GFOD1: variants seen among roughly 807,000 people sequenced by gnomAD.
GFOD1 encodes the protein glucose-fructose oxidoreductase domain-containing protein 1.
Under a neutral mutation model 25.4 loss-of-function variants are expected in GFOD1, and 9 were observed. The observed-to-expected ratio is 0.35, with a 90% CI of 0.21 to 0.62. The LOEUF (loss-of-function observed/expected upper bound fraction) is 0.62, where lower values mean the gene tolerates loss of function less well. Ranked by LOEUF, GFOD1 falls within the 20% of genes least tolerant of loss-of-function variation. The pLI, the probability that GFOD1 is intolerant of heterozygous loss-of-function variation, is 0.72. For synonymous variants in GFOD1, 253 were observed against 245.6 expected, an observed-to-expected ratio of 1.03 and a Z score of -0.28; for missense variants, 403 against 556.9, an observed-to-expected ratio of 0.72 and a Z score of 2.78.
chr6:13,399,232 C>T (rs1248473827), intron 1 of GFOD1, among the ~76,000 whole-genome samples: 3 of 152,018 alleles, frequency 2.0e-5, no homozygotes, highest in Non-Finnish European at 2.9e-5. Flanking sequence ...AGACTGGTCT[C>T]GAACTCCTGG....
At position 13,362,621 on chromosome 6, in the gene GFOD1, C is replaced by A. The variant is rs546860845; in HGVS notation, c.*2122G>T. On this transcript the variant is annotated 3_prime_UTR_variant, in exon 2 of 2. Coordinates refer to ENST00000379287, the MANE Select transcript of GFOD1 (RefSeq NM_018988.4). ...TGCTGACCATGAAGTCTGTCAGCAACAGGTCAGGGACCACAACAAACCACG... is the reference window on the plus strand; with the variant it reads ...TGCTGACCATGAAGTCTGTCAGCAAAAGGTCAGGGACCACAACAAACCACG... 3 of 152,336 alleles carry A rather than the reference C, an allele frequency of 2.0e-5. No homozygotes were observed. Among genetic ancestry groups the A allele is most frequent in the African/African-American group, 7.2e-5 (3 of 41,572 alleles). 9.4% of individuals were successfully genotyped at this position (152,336 alleles called of 1,614,324 possible).
rs114268261 is a variant in GFOD1, at chr6:13,384,409, T to C, written c.254-18747A>G. 8.2e-3 allele frequency among the ~76,000 whole-genome samples: 1,254 copies of C among 152,236 alleles called. 20 individuals carry two copies. The highest frequency in any genetic ancestry group is 0.029 in the African/African-American group (1,186 of 41,534). On this transcript the variant is annotated intron_variant, in intron 1 of 1. Coordinates refer to ENST00000379287, the MANE Select transcript of GFOD1 (RefSeq NM_018988.4). Reference sequence around the variant, plus strand: ...TGGCCTAGGAGCACCATCAAGAAAATTGCTGAGACATTAAAGGCACTGTGC... The same window carrying C: ...TGGCCTAGGAGCACCATCAAGAAAACTGCTGAGACATTAAAGGCACTGTGC...
intron 1 of GFOD1, among the ~76,000 whole-genome samples, chr6:13,392,832 G>A (rs1454018287): frequency 2.0e-5 from 3 of 151,960 alleles, no homozygotes; most frequent in African/African-American, 7.3e-5. Context: ...AAGGCGGGAG[G>A]ATCGCTTGAG....
rs543658949 is a variant in GFOD1 at position 13,441,563 on chromosome 6, G to A, written c.253+45075C>T. 7.9e-5 allele frequency among the ~76,000 whole-genome samples: 12 copies of A among 152,250 alleles called. No individual in the cohort carries two copies. The East Asian group carries it at 1.9e-3, about 24-fold the overall frequency. Reference sequence around the variant, plus strand: ...GTCTCACTGCAAAAATAAATGTTACGAATAGTAAGTTCTCCCTTCATCAAT... The same window carrying A: ...GTCTCACTGCAAAAATAAATGTTACAAATAGTAAGTTCTCCCTTCATCAAT... On this transcript the variant is annotated intron_variant, in intron 1 of 1. Coordinates refer to ENST00000379287, the MANE Select transcript of GFOD1 (RefSeq NM_018988.4).
chr6:13,364,640 C>T lies in GFOD1; in HGVS notation c.*103G>A. 2 of 991,146 alleles carry T rather than the reference C, an allele frequency of 2.0e-6. No individual in the cohort carries two copies. Among genetic ancestry groups the T allele is most frequent in the Non-Finnish European group, 3.0e-6 (2 of 673,546 alleles). 61.4% of individuals were successfully genotyped at this position (991,146 alleles called of 1,614,324 possible). A position where few individuals can be genotyped will look rare whatever the true frequency, so the allele number is the denominator to read the frequency against. ...ATTTATTCACACTGTCCCTCCACCTCCCTGATCCCCACATTCCCCATGGTC... is the reference window on the plus strand; with the variant it reads ...ATTTATTCACACTGTCCCTCCACCTTCCTGATCCCCACATTCCCCATGGTC... On this transcript the variant is annotated 3_prime_UTR_variant, in exon 2 of 2. Transcript: ENST00000379287. This position sits in a 1 kb window ranked among gnomAD's most constrained non-coding sequence, Gnocchi z 4.1.
At chr6:13,374,728 CTTTTT>C (rs147560408) in intron 1 of GFOD1, among the ~76,000 whole-genome samples, 6 of 66,810 alleles carry the variant, frequency 9.0e-5, no homozygotes, top group East Asian at 5.8e-4. Flanking sequence ...CATCTCAAAT[CTTTTT>C]TTTTTTTTTT....
At chr6:13,417,043 A>T (rs1262102073) in intron 1 of GFOD1, among the ~76,000 whole-genome samples, 1 of 152,364 alleles carries the variant, frequency 6.6e-6, no homozygotes, top group Non-Finnish European at 1.5e-5. Context: ...TTAACCAAAG[A>T]ACAAGACAAG....
At chr6:13,377,904 AG>A (rs1360892867) in intron 1 of GFOD1, among the ~76,000 whole-genome samples, 10 of 152,188 alleles carry the variant, frequency 6.6e-5, no homozygotes, top group Admixed American at 6.6e-4. Context: ...GAGGTGCTCT[AG>A]GGTTTTTAAG....
chr6:13,469,322 A>G, intron 1 of GFOD1: 1 of 984,832 alleles, frequency 1.0e-6, no homozygotes, highest in Non-Finnish European at 1.2e-6. Context: ...CTTCAAAAAT[A>G]AGTTATAATC....
intron 1 of GFOD1, among the ~76,000 whole-genome samples, chr6:13,425,300 C>T (rs9296672): frequency 0.24 from 35,710 of 151,908 alleles, 4,273 homozygotes; most frequent in Middle Eastern, 0.34. Context: ...GAGTTAGTTA[C>T]CATTGTTGCC....
chr6:13,391,576 A>G (rs1584623305), intron 1 of GFOD1, among the ~76,000 whole-genome samples: 1 of 152,016 alleles, frequency 6.6e-6, no homozygotes, highest in Admixed American at 6.5e-5. Flanking sequence ...ACTATTTCGT[A>G]GAGTCCATAT....
chr6:13,470,606 A>G, intron 1 of GFOD1: 1 of 1,491,242 alleles, frequency 6.7e-7, no homozygotes, highest in South Asian at 1.4e-5. Flanking sequence ...CTGTCTGCTG[A>G]TTTTCTTCCT....
intron 1 of GFOD1, among the ~76,000 whole-genome samples, chr6:13,371,262 C>T (rs192439860): frequency 6.6e-6 from 1 of 152,202 alleles, no homozygotes; most frequent in African/African-American, 2.4e-5. Context: ...AGGCTTTCCC[C>T]CTTTTGCCAT....
chr6:13,451,020 A>T (rs1397330888), intron 1 of GFOD1, among the ~76,000 whole-genome samples: 2 of 152,140 alleles, frequency 1.3e-5, no homozygotes, highest in African/African-American at 2.4e-5. Flanking sequence ...CCACACCTTG[A>T]CCTTAGAGTA....
chr6:13,406,156 G>A lies in GFOD1; in HGVS notation c.254-40494C>T, dbSNP rs562635604. Among the ~76,000 whole-genome samples the A allele has an allele frequency of 8.5e-5, 13 of 152,268 alleles. No homozygotes were observed. In the South Asian group the frequency reaches 1.9e-3, roughly 22 times the overall value. ...GTGGAAAGAACCCACAAATGTTCTCGGAACAAGGAACCAGTAAAGTACAGA... is the reference window on the plus strand; with the variant it reads ...GTGGAAAGAACCCACAAATGTTCTCAGAACAAGGAACCAGTAAAGTACAGA... On this transcript the variant is annotated intron_variant, in intron 1 of 1. Coordinates refer to ENST00000379287, the MANE Select transcript of GFOD1 (RefSeq NM_018988.4).
At chr6:13,478,282 G>A (rs1758672986) in intron 1 of GFOD1, among the ~76,000 whole-genome samples, 1 of 151,998 alleles carries the variant, frequency 6.6e-6, no homozygotes, top group Non-Finnish European at 1.5e-5. Flanking sequence ...TGGGATTACA[G>A]GTGCACAACA....
chr6:13,411,690 T>C (rs951751304), intron 1 of GFOD1, among the ~76,000 whole-genome samples: 1 of 152,184 alleles, frequency 6.6e-6, no homozygotes, highest in Admixed American at 6.5e-5. Context: ...GTACAGTGGC[T>C]GCACTGATGA....
At chr6:13,446,010 A>G (rs1285715456) in intron 1 of GFOD1, among the ~76,000 whole-genome samples, 1 of 152,204 alleles carries the variant, frequency 6.6e-6, no homozygotes, top group Non-Finnish European at 1.5e-5. Context: ...TGTTTATTCA[A>G]CCTCAAAAGG....
chr6:13,387,284 T>C (rs1312203967), intron 1 of GFOD1, among the ~76,000 whole-genome samples: 1 of 152,198 alleles, frequency 6.6e-6, no homozygotes, highest in Non-Finnish European at 1.5e-5. Context: ...TGTCGGATCC[T>C]GATACCAAAG....
Sources: allele counts gnomAD v4.1 joint callset (sites outside exome capture counted in the v4.1 genomes callset), GRCh38; gene constraint gnomAD v4.1.1; non-coding constraint Gnocchi (gnomAD v3.1); transcripts MANE v1.5; gene names NCBI Gene and HGNC (gene_info 2026-07-23, HGNC 2026-07-21).